The following KAT6B variants were observed in gnomAD, a reference collection of about 807,000 sequenced individuals.
KAT6B encodes the protein lysine acetyltransferase 6B.
A neutral mutation model predicts 187.5 loss-of-function variants in KAT6B; 10 were observed. The ratio of observed to expected loss-of-function variants is 0.05; its 90% CI spans 0.03 to 0.09. KAT6B has a LOEUF of 0.09. Ranked by LOEUF, KAT6B falls within the 10% of genes least tolerant of loss-of-function variation. The pLI, the probability that KAT6B is intolerant of heterozygous loss-of-function variation, is 1.00. For missense variants in KAT6B, 1,952 were observed against 2,558.9 expected (o/e 0.76, Z 5.12); for synonymous variants, 861 against 926.8 (o/e 0.93, Z 1.29).
chr10:74,902,816 A>T lies in KAT6B; in HGVS notation c.622-57154A>T, dbSNP rs555258222. The stretch of plus-strand genomic sequence containing the variant: ...GTGGCATCATTAATCATGTTATATT[A>T]TCTTCACTTTGGCTTGCATTACTTA... On this transcript the variant is annotated intron_variant, in intron 3 of 17. Transcript: ENST00000287239. Among the ~76,000 whole-genome samples the T allele has an allele frequency of 1.2e-4, 18 of 152,280 alleles. No homozygotes were observed. The South Asian group carries it at 3.7e-3, about 32-fold the overall frequency.
intron 13 of KAT6B, among the ~76,000 whole-genome samples, chr10:75,011,197 T>A (rs1401302869): frequency 1.3e-5 from 2 of 152,220 alleles, no homozygotes; most frequent in Non-Finnish European, 2.9e-5. Flanking sequence ...CTTTTTTTAA[T>A]GAATCTCTAA....
chr10:75,008,378 C>T (rs1844372231), intron 13 of KAT6B, among the ~76,000 whole-genome samples: 1 of 152,046 alleles, frequency 6.6e-6, no homozygotes, highest in Non-Finnish European at 1.5e-5. Context: ...AGAAACAGAA[C>T]TTAGAGAAAA....
intron 16 of KAT6B, 111 bp downstream of exon 16, chr10:75,022,342 T>C: frequency 8.5e-7 from 1 of 1,178,720 alleles, no homozygotes; most frequent in South Asian, 1.2e-5. Context: ...TAGTCGTAGT[T>C]TATGTGTACC....
intron 3 of KAT6B, among the ~76,000 whole-genome samples, chr10:74,866,150 G>T (rs1843541059): frequency 6.6e-6 from 1 of 151,814 alleles, no homozygotes; most frequent in Non-Finnish European, 1.5e-5. Context: ...TTACTTATTT[G>T]GGGGATAATT....
In KAT6B at chr10:75,028,970, A is replaced by G. The variant is rs1846099697; in HGVS notation, c.4146A>G (p.Pro1382=). 1 of 1,613,972 alleles carries G rather than the reference A, an allele frequency of 6.2e-7. No homozygotes were observed. Among genetic ancestry groups the G allele is most frequent in the Non-Finnish European group, 8.5e-7 (1 of 1,179,970 alleles). ...EEGGGNVEKD[P]DGAKSQEKEE... is the part of the protein sequence containing the mutation. ...GAGGAGGAAATGTAGAAAAAGATCC[A>G]GATGGTGCTAAAAGCCAAGAAAAAG... The change falls in exon 18 of 18, where the codon CCA becomes CCG. Residue 1382 remains proline (P), a synonymous_variant. Transcript: ENST00000287239.
intron 3 of KAT6B, among the ~76,000 whole-genome samples, chr10:74,870,109 A>T (rs879079351): frequency 1.3e-5 from 2 of 152,082 alleles, no homozygotes; most frequent in Middle Eastern, 3.4e-3. Context: ...GCGAGACCCC[A>T]CCTCTACAAA....
intron 3 of KAT6B, among the ~76,000 whole-genome samples, chr10:74,898,141 G>C (rs1044158405): frequency 1.3e-5 from 2 of 151,996 alleles, no homozygotes. Flanking sequence ...TTAAACAAAC[G>C]TGAAAGGCAT....
chr10:74,871,242 G>T (rs1035393331), intron 3 of KAT6B, among the ~76,000 whole-genome samples: 6 of 142,666 alleles, frequency 4.2e-5, no homozygotes, highest in Admixed American at 2.9e-4. Flanking sequence ...ACCCAGGCTG[G>T]AGTGCTATGG....
intron 13 of KAT6B, among the ~76,000 whole-genome samples, chr10:75,000,190 TAAAACAAAGC>T (rs1358503116): frequency 6.6e-6 from 1 of 151,702 alleles, no homozygotes; most frequent in Non-Finnish European, 1.5e-5. Flanking sequence ...TTTCTTTTTT[TAAAACAAAGC>T]AAAACAAAAC....
intron 3 of KAT6B, among the ~76,000 whole-genome samples, chr10:74,921,916 A>G (rs755404385): frequency 1.3e-5 from 2 of 152,210 alleles, no homozygotes; most frequent in Non-Finnish European, 2.9e-5. Context: ...GCTCTGGCCC[A>G]TGGCCACAGA....
intron 3 of KAT6B, among the ~76,000 whole-genome samples, chr10:74,877,349 GA>G (rs1276096217): frequency 2.0e-5 from 3 of 152,128 alleles, no homozygotes; most frequent in African/African-American, 7.2e-5. Context: ...AATAATTTAG[GA>G]AAAGGGGGGC....
At position 74,975,760 on chromosome 10, in the gene KAT6B, A is replaced by C; in HGVS notation, c.1423A>C (p.Thr475Pro). 6.2e-7 allele frequency: 1 copy of C among 1,614,154 alleles called. No individual in the cohort carries two copies. ...RKKVSQKQSC[T>P]SHVLATGTTQ... ...AAAGGTCTCTCAGAAACAGTCATGC[A>C]CTTCTCATGTGTTGGCTACAGGTAC... The change falls in exon 8 of 18, where the codon ACT becomes CCT. Residue 475 changes from threonine to proline, a missense_variant. Physicochemically the swap from Thr to Pro is conservative, Grantham distance 38 (BLOSUM62 -1). Coordinates refer to ENST00000287239, the MANE Select transcript of KAT6B (RefSeq NM_012330.4).
intron 4 of KAT6B, among the ~76,000 whole-genome samples, chr10:74,961,273 T>C (rs1564590399): frequency 1.3e-5 from 2 of 152,216 alleles, no homozygotes; most frequent in Admixed American, 6.5e-5. Context: ...GCCTCACTCA[T>C]CAGTTCTGAC....
At chr10:74,973,282 A>G (rs940653455) in intron 7 of KAT6B, among the ~76,000 whole-genome samples, 4 of 152,234 alleles carry the variant, frequency 2.6e-5, no homozygotes, top group Non-Finnish European at 4.4e-5. Context: ...TATAATTGCC[A>G]TTAAAGCCCA....
rs1356812636 is a variant in KAT6B, at chr10:74,976,023, C to T, written c.1686C>T (p.His562=). 14 of 1,614,030 alleles carry T rather than the reference C, an allele frequency of 8.7e-6. No individual in the cohort carries two copies. The highest frequency in any genetic ancestry group is 1.2e-5 in the Non-Finnish European group (14 of 1,180,038). Reference sequence around the variant, plus strand: ...AGGGACAGTCTCGCAAAAAGGGACACCCGAGTTATGCACCACCCAAACGTA... The same window carrying T: ...AGGGACAGTCTCGCAAAAAGGGACATCCGAGTTATGCACCACCCAAACGTA... ...TTQGQSRKKG[H]PSYAPPKRMR... Residue 562 remains histidine, a synonymous_variant, in exon 8 of 18, where the codon CAC becomes CAT. Transcript: ENST00000287239.
chr10:74,909,283 C>T (rs569857652), intron 3 of KAT6B, among the ~76,000 whole-genome samples: 1 of 152,178 alleles, frequency 6.6e-6, no homozygotes, highest in South Asian at 2.1e-4. Context: ...AGGCAGGAGA[C>T]TCGCTTGAAC....
intron 3 of KAT6B, among the ~76,000 whole-genome samples, chr10:74,883,560 A>G (rs1845022296): frequency 6.6e-6 from 1 of 152,118 alleles, no homozygotes; most frequent in Non-Finnish European, 1.5e-5. Context: ...GATCCAGCAG[A>G]AAAAAATTAT....
At chr10:74,920,551 G>A (rs184752560) in intron 3 of KAT6B, among the ~76,000 whole-genome samples, 2 of 152,122 alleles carry the variant, frequency 1.3e-5, no homozygotes. Flanking sequence ...AAACATGACA[G>A]CTGAGTATTT....
At chr10:74,833,479 T>C (rs758213314) in intron 1 of KAT6B, among the ~76,000 whole-genome samples, 3 of 152,196 alleles carry the variant, frequency 2.0e-5, no homozygotes, top group Non-Finnish European at 4.4e-5. Context: ...CTGAAACTAT[T>C]GAGCACTTAA....
Sources: allele counts gnomAD v4.1 joint callset (sites outside exome capture counted in the v4.1 genomes callset), GRCh38; gene constraint gnomAD v4.1.1; transcripts MANE v1.5; gene names NCBI Gene and HGNC (gene_info 2026-07-23, HGNC 2026-07-21).